Variants in SCHIP1 observed in about 807,000 individuals in gnomAD.
SCHIP1 encodes schwannomin interacting protein 1.
In SCHIP1, 8 loss-of-function variants were observed where a neutral mutation model predicts 29.7. The observed-to-expected ratio is 0.27, with a 90% confidence interval of 0.16 to 0.49. The LOEUF (loss-of-function observed/expected upper bound fraction) is 0.49. Ranked by LOEUF, SCHIP1 falls within the 20% of genes least tolerant of loss-of-function variation. SCHIP1 has a pLI of 0.99. For synonymous variants in SCHIP1, 76 were observed against 94.9 expected, an observed-to-expected ratio of 0.80 and a Z score of 1.16; for missense variants, 193 against 294.6, an observed-to-expected ratio of 0.66 and a Z score of 2.52.
chr3:159,470,122 T>C, the SCHIP1 span, among the ~76,000 whole-genome samples: 5 of 152,010 alleles, frequency 3.3e-5, no homozygotes, highest in Non-Finnish European at 7.4e-5. Context: ...CTAAAAATAA[T>C]AAAAAGATGC....
chr3:159,285,980 A>AT, the SCHIP1 span, among the ~76,000 whole-genome samples: 1 of 152,034 alleles, frequency 6.6e-6, no homozygotes, highest in Non-Finnish European at 1.5e-5. Context: ...TTCAAGAACT[A>AT]TTTTTTGACA....
chr3:159,362,080 A>T, the SCHIP1 span, among the ~76,000 whole-genome samples: 1 of 152,192 alleles, frequency 6.6e-6, no homozygotes, highest in African/African-American at 2.4e-5. Context: ...TGTAAATAGA[A>T]AAAGTTAGAG....
chr3:159,612,190 T>A, the SCHIP1 span, among the ~76,000 whole-genome samples: 1 of 152,062 alleles, frequency 6.6e-6, no homozygotes, highest in Non-Finnish European at 1.5e-5. Context: ...GAAAAACTCA[T>A]GATGACCAAA....
At chr3:159,385,580 A>AACAAAC in the SCHIP1 span, among the ~76,000 whole-genome samples, 219 of 134,942 alleles carry the variant, frequency 1.6e-3, 1 homozygote, top group Non-Finnish European at 1.9e-3. Context: ...ACAAACAAAA[A>AACAAAC]AAAAAAAACC....
the SCHIP1 span, among the ~76,000 whole-genome samples, chr3:159,713,858 CA>C: frequency 1.3e-5 from 2 of 151,900 alleles, no homozygotes; most frequent in Non-Finnish European, 2.9e-5. Context: ...GCAAAGCAAA[CA>C]AATACAATGT....
chr3:159,389,290 T>G, the SCHIP1 span, among the ~76,000 whole-genome samples: 1 of 152,016 alleles, frequency 6.6e-6, no homozygotes, highest in Non-Finnish European at 1.5e-5. Context: ...TCACAAAAAT[T>G]TTATTTTATA....
chr3:159,628,522 C>T, the SCHIP1 span, among the ~76,000 whole-genome samples: 1 of 151,838 alleles, frequency 6.6e-6, no homozygotes, highest in Non-Finnish European at 1.5e-5. Context: ...TTATTAGGTT[C>T]AAGAAAATGC....
chr3:159,839,927 G>A (rs1744056978), exon 1 of SCHIP1: 1 of 1,407,146 alleles, frequency 7.1e-7, no homozygotes, highest in Non-Finnish European at 9.2e-7. Flanking sequence ...CCCCAGCCCG[G>A]TCCCAGCTCC....
chr3:159,497,703 G>C, the SCHIP1 span, among the ~76,000 whole-genome samples: 24 of 152,070 alleles, frequency 1.6e-4, no homozygotes, highest in African/African-American at 4.6e-4. Flanking sequence ...GAATGGAAGA[G>C]AAGGAGGGAG....
At chr3:159,429,756 C>T in the SCHIP1 span, among the ~76,000 whole-genome samples, 1 of 152,178 alleles carries the variant, frequency 6.6e-6, no homozygotes, top group Non-Finnish European at 1.5e-5. Context: ...AAATACTTCA[C>T]TGCCTGGGGC....
chr3:159,491,494 G>T, the SCHIP1 span, among the ~76,000 whole-genome samples: 15 of 152,212 alleles, frequency 9.9e-5, no homozygotes, highest in Non-Finnish European at 1.8e-4. Context: ...GGCCCACGGA[G>T]CTTCCCTCAT....
At chr3:159,373,788 TACAC>T in the SCHIP1 span, among the ~76,000 whole-genome samples, 1 of 152,032 alleles carries the variant, frequency 6.6e-6, no homozygotes, top group African/African-American at 2.4e-5. Flanking sequence ...TATATGTATA[TACAC>T]ACACACACCA....
chr3:159,674,968 C>A, the SCHIP1 span, among the ~76,000 whole-genome samples: 5 of 152,184 alleles, frequency 3.3e-5, no homozygotes, highest in African/African-American at 1.2e-4. Flanking sequence ...GACAAGGCTG[C>A]CATTGATGTA....
At chr3:159,774,581 G>A in the SCHIP1 span, among the ~76,000 whole-genome samples, 1 of 151,770 alleles carries the variant, frequency 6.6e-6, no homozygotes, top group African/African-American at 2.4e-5. Flanking sequence ...CTACTCTTGG[G>A]GTATATTTCC....
At chr3:159,846,157 A>T (rs1344489809) in intron 1 of SCHIP1, 1 of 152,166 alleles carries the variant, frequency 6.6e-6, no homozygotes, top group African/African-American at 2.4e-5. Flanking sequence ...TGCCTTTCTT[A>T]CTATAATGAG....
chr3:159,275,729 T>C, the SCHIP1 span, among the ~76,000 whole-genome samples: 1 of 152,224 alleles, frequency 6.6e-6, no homozygotes, highest in Non-Finnish European at 1.5e-5. Context: ...CATGTTTGCT[T>C]CTGTTTTGAT....
the SCHIP1 span, among the ~76,000 whole-genome samples, chr3:159,687,019 T>G: frequency 6.6e-6 from 1 of 152,260 alleles, no homozygotes; most frequent in African/African-American, 2.4e-5. Context: ...CCTTGATAAC[T>G]CCTGTCAATC....
At chr3:159,796,625 T>C in the SCHIP1 span, among the ~76,000 whole-genome samples, 1 of 152,184 alleles carries the variant, frequency 6.6e-6, no homozygotes, top group Admixed American at 6.5e-5. Flanking sequence ...TTCATGATCA[T>C]GATGGTAAAA....
chr3:159,669,976 T>C, the SCHIP1 span, among the ~76,000 whole-genome samples: 1 of 152,178 alleles, frequency 6.6e-6, no homozygotes, highest in Non-Finnish European at 1.5e-5. Context: ...AACAAGCTTC[T>C]TGGTAAGGGG....
Sources: gnomAD v4.1 joint callset for allele counts (sites outside exome capture counted in the v4.1 genomes callset) on GRCh38, gnomAD v4.1.1 for gene constraint, MANE v1.5 for transcripts, NCBI Gene and HGNC (gene_info 2026-07-23, HGNC 2026-07-21) for gene names.